DST: variants seen among roughly 807,000 people sequenced by gnomAD.
DST encodes the protein bullous pemphigoid antigen.
Under a neutral mutation model 875.2 loss-of-function variants are expected in DST, and 253 were observed. The observed-to-expected ratio is 0.29, with a 90% CI of 0.26 to 0.32. The LOEUF (loss-of-function observed/expected upper bound fraction) is 0.32. Among genes scored for constraint, DST ranks in the 10% least tolerant of loss-of-function variants. The probability of loss-of-function intolerance (pLI) is 1.00; values close to 1 mark genes in which losing one functional copy is unlikely to be tolerated. For synonymous variants in DST, 3,124 were observed against 3,197.1 expected, an observed-to-expected ratio of 0.98 and a Z score of 0.77; for missense variants, 8,287 against 9,111.6, an observed-to-expected ratio of 0.91 and a Z score of 3.68.
intron 4 of DST, among the ~76,000 whole-genome samples, chr6:56,783,714 G>C (rs1019981062): frequency 6.6e-6 from 1 of 152,078 alleles, no homozygotes; most frequent in Non-Finnish European, 1.5e-5. Flanking sequence ...GGAGCATTTA[G>C]TCCATTTACA....
intron 4 of DST, among the ~76,000 whole-genome samples, chr6:56,836,594 T>C (rs2099793787): frequency 6.6e-6 from 1 of 152,016 alleles, no homozygotes; most frequent in Non-Finnish European, 1.5e-5. Flanking sequence ...CTCACGCTTG[T>C]AATCCCAGCA....
intron 24 of DST, 90 bp downstream of exon 24, chr6:56,635,499 G>T: frequency 2.3e-6 from 3 of 1,299,168 alleles, no homozygotes; most frequent in Non-Finnish European, 2.2e-6. Context: ...AATATCAAGA[G>T]TGCCAATAAA....
At chr6:56,743,978 T>C (rs922424773) in intron 4 of DST, among the ~76,000 whole-genome samples, 8 of 151,870 alleles carry the variant, frequency 5.3e-5, no homozygotes, top group African/African-American at 1.7e-4. Context: ...TGAAACCCCA[T>C]CTCTACTAAA....
intron 3 of DST, among the ~76,000 whole-genome samples, chr6:56,882,502 T>C (rs1034708312): frequency 6.6e-6 from 1 of 152,262 alleles, no homozygotes; most frequent in African/African-American, 2.4e-5. Context: ...AATTAAGCTA[T>C]GAACAGAGTT....
In DST at chr6:56,470,299, A is replaced by C; in HGVS notation, c.22322-17T>G. On this transcript the variant is annotated splice_polypyrimidine_tract_variant and intron_variant, in intron 95 of 103. Coordinates refer to ENST00000680361, the MANE Select transcript of DST (RefSeq NM_001374736.1). Reference sequence around the variant, plus strand: ...TTGGAAACTCTAAAATTTTGAAAACAATGGTAAGTAGTGACTTGTTAGTTC... The same window carrying C: ...TTGGAAACTCTAAAATTTTGAAAACCATGGTAAGTAGTGACTTGTTAGTTC... 6.3e-7 allele frequency: 1 copy of C among 1,579,490 alleles called. No homozygotes were observed. Among genetic ancestry groups the C allele is most frequent in the Non-Finnish European group, 8.6e-7 (1 of 1,159,930 alleles).
intron 69 of DST, among the ~76,000 whole-genome samples, chr6:56,523,339 T>C (rs1176644131): frequency 6.6e-6 from 1 of 152,134 alleles, no homozygotes; most frequent in Non-Finnish European, 1.5e-5. Context: ...AAAACTGTTA[T>C]TGTGATATAG....
At chr6:56,888,062 T>C (rs1592105646) in intron 3 of DST, among the ~76,000 whole-genome samples, 1 of 151,736 alleles carries the variant, frequency 6.6e-6, no homozygotes, top group Non-Finnish European at 1.5e-5. Context: ...GCGATTCTCC[T>C]GCCTCAGCCT....
At chr6:56,669,324 A>G (rs1271084276) in intron 10 of DST, among the ~76,000 whole-genome samples, 1 of 150,984 alleles carries the variant, frequency 6.6e-6, no homozygotes, top group Non-Finnish European at 1.5e-5. Flanking sequence ...AAAGAAATAT[A>G]TAGTTTTCAG....
intron 45 of DST, among the ~76,000 whole-genome samples, chr6:56,599,616 G>A (rs531860895): frequency 3.9e-5 from 6 of 152,092 alleles, no homozygotes; most frequent in African/African-American, 9.6e-5. Flanking sequence ...CCAAAATAAA[G>A]ATATCTTTAT....
chr6:56,617,824 C>T (rs2098642590), intron 36 of DST, among the ~76,000 whole-genome samples: 1 of 152,114 alleles, frequency 6.6e-6, no homozygotes, highest in Non-Finnish European at 1.5e-5. Context: ...GATAAAGATT[C>T]AAGTAAGTTA....
chr6:56,954,668 C>G lies in DST; in HGVS notation c.-81G>C. On this transcript the variant is annotated 5_prime_UTR_variant, in exon 1 of 104. Coordinates refer to ENST00000680361, the MANE Select transcript of DST (RefSeq NM_001374736.1). ...CACCCGCGCTGGGCGCACGCCGGGA[C>G]GGCGGGCACGGGTGAGCGCGGCTCA... 3.0e-6 allele frequency: 3 copies of G among 1,012,026 alleles called. No individual in the cohort carries two copies. Among genetic ancestry groups the G allele is most frequent in the Non-Finnish European group, 3.7e-6 (3 of 811,362 alleles). 62.7% of individuals were successfully genotyped at this position (1,012,026 alleles called of 1,614,324 possible). A position where few individuals can be genotyped will look rare whatever the true frequency, so the allele number is the denominator to read the frequency against.
At chr6:56,482,315 A>G in intron 89 of DST, 137 bp from the exon 90 acceptor site, 2 of 977,530 alleles carry the variant, frequency 2.0e-6, no homozygotes, top group Non-Finnish European at 2.8e-6. Context: ...CATTACTCCC[A>G]TTAAGAAGAT....
At chr6:56,860,488 C>G (rs1351435288) in intron 3 of DST, among the ~76,000 whole-genome samples, 1 of 152,142 alleles carries the variant, frequency 6.6e-6, no homozygotes, top group African/African-American at 2.4e-5. Context: ...CCCAAATACC[C>G]TGGTTAACAT....
chr6:56,678,566 A>G (rs1254383869), intron 9 of DST, among the ~76,000 whole-genome samples: 1 of 152,228 alleles, frequency 6.6e-6, no homozygotes, highest in Non-Finnish European at 1.5e-5. Context: ...TATTTCATAT[A>G]TACTTGGGGG....
At chr6:56,776,652 T>G (rs1290932421) in intron 4 of DST, among the ~76,000 whole-genome samples, 1 of 152,194 alleles carries the variant, frequency 6.6e-6, no homozygotes, top group Non-Finnish European at 1.5e-5. Context: ...TTAAAATTTT[T>G]TTTAATTTCA....
Position 56,626,492 on chromosome 6 carries a change from A to G in DST, c.4722+712T>C, listed in dbSNP as rs560837870. Among the ~76,000 whole-genome samples the G allele has an allele frequency of 4.6e-5, 7 of 151,998 alleles. No homozygotes were observed. In the East Asian group the frequency reaches 1.2e-3, roughly 25 times the overall value. Reference sequence around the variant, plus strand: ...TTATAGTCTAGGAGCAAGAGGCTGTACCATATGCCTAAGTGTGTAGAAAGC... The same window carrying G: ...TTATAGTCTAGGAGCAAGAGGCTGTGCCATATGCCTAAGTGTGTAGAAAGC... On this transcript the variant is annotated intron_variant, in intron 34 of 103. Coordinates refer to ENST00000680361, the MANE Select transcript of DST (RefSeq NM_001374736.1).
At position 56,768,636 on chromosome 6, in the gene DST, G is replaced by A. The variant is rs189428818; in HGVS notation, c.626-33347C>T. Among the ~76,000 whole-genome samples, 106 of 152,240 alleles carry A rather than the reference G, an allele frequency of 7.0e-4. No individual in the cohort carries two copies. The East Asian group carries it at 0.017, about 24-fold the overall frequency. On this transcript the variant is annotated intron_variant, in intron 4 of 103. Coordinates refer to ENST00000680361, the MANE Select transcript of DST (RefSeq NM_001374736.1). ...AAATCTAGATGACCCTGGATTTGAT[G>A]ATGAATTTTTAAATACAATACCAAC...
chr6:56,940,190 A>G (rs1478840786), intron 2 of DST, among the ~76,000 whole-genome samples: 1 of 39,910 alleles, frequency 2.5e-5, no homozygotes, highest in Admixed American at 3.3e-4. Flanking sequence ...CATTACCCCC[A>G]TACACACACA....
intron 72 of DST, among the ~76,000 whole-genome samples, chr6:56,512,036 T>C (rs1314760087): frequency 2.6e-5 from 4 of 152,144 alleles, no homozygotes; most frequent in Non-Finnish European, 5.9e-5. Context: ...CATTTTATAT[T>C]TATGTATGAA....
Sources: allele counts gnomAD v4.1 joint callset (sites outside exome capture counted in the v4.1 genomes callset), GRCh38; gene constraint gnomAD v4.1.1; transcripts MANE v1.5; gene names NCBI Gene and HGNC (gene_info 2026-07-23, HGNC 2026-07-21).